Variants in WDR47 observed in about 807,000 individuals in gnomAD.
WDR47 encodes the protein WD repeat domain 47, also known as WD repeat-containing protein 47.
Under a neutral mutation model 97.2 loss-of-function variants are expected in WDR47, and 32 were observed. The observed-to-expected ratio is 0.33, with a 90% CI of 0.25 to 0.44. WDR47 has a LOEUF of 0.44. Among genes scored for constraint, WDR47 ranks in the 20% least tolerant of loss-of-function variants. The pLI is 1.00. For missense variants in WDR47, 782 were observed against 1,102.3 expected (o/e 0.71, Z 4.11); for synonymous variants, 375 against 373.5 (o/e 1.00, Z -0.05).
intron 1 of WDR47, among the ~76,000 whole-genome samples, chr1:109,025,676 G>A (rs1334790304): frequency 4.6e-5 from 7 of 152,132 alleles, no homozygotes; most frequent in African/African-American, 1.2e-4. Flanking sequence ...GGAGGTTGCA[G>A]TGAGCCAAGA....
intron 11 of WDR47, 27 bp from the exon 12 acceptor site, chr1:108,982,806 A>G: frequency 6.3e-7 from 1 of 1,582,652 alleles, no homozygotes; most frequent in Non-Finnish European, 8.5e-7. Context: ...AATTAAAAAA[A>G]AAAAATGCTG....
At chr1:109,035,446 A>G (rs1476044099) in intron 1 of WDR47, among the ~76,000 whole-genome samples, 2 of 151,860 alleles carry the variant, frequency 1.3e-5, no homozygotes, top group Non-Finnish European at 2.9e-5. Context: ...ATATATATTC[A>G]TGCATTACTT....
intron 1 of WDR47, among the ~76,000 whole-genome samples, chr1:109,037,944 C>T (rs1663079526): frequency 6.6e-6 from 1 of 152,024 alleles, no homozygotes; most frequent in South Asian, 2.1e-4. Flanking sequence ...GTGATTCTCT[C>T]ACCTCAGCCT....
At chr1:108,974,404 C>G (rs1264051801) in intron 14 of WDR47, 132 bp downstream of exon 14, 19 of 686,022 alleles carry the variant, frequency 2.8e-5, no homozygotes, top group Non-Finnish European at 4.1e-5. Flanking sequence ...TTAATATAGT[C>G]TCAGAATCTG....
At chr1:109,023,277 G>T in intron 2 of WDR47, 78 bp downstream of exon 2, 1 of 1,379,666 alleles carries the variant, frequency 7.2e-7, no homozygotes, top group Non-Finnish European at 9.9e-7. Flanking sequence ...AGTTCTATCT[G>T]TATTATATAT....
chr1:109,007,196 C>T (rs1660688486), intron 5 of WDR47, among the ~76,000 whole-genome samples: 1 of 145,742 alleles, frequency 6.9e-6, no homozygotes, highest in East Asian at 2.0e-4. Context: ...CATGCCCAGC[C>T]TGAAATACAT....
At chr1:109,028,955 C>T (rs1223020951) in intron 1 of WDR47, among the ~76,000 whole-genome samples, 1 of 151,992 alleles carries the variant, frequency 6.6e-6, no homozygotes, top group South Asian at 2.1e-4. Context: ...GTGAATTTTC[C>T]TTTAAAAAGT....
At position 109,011,102 on chromosome 1, in the gene WDR47, G is replaced by C; in HGVS notation, c.944C>G (p.Pro315Arg). The change falls in exon 5 of 15, where the codon CCT becomes CGT. Residue 315 changes from proline (P) to arginine (R), a missense_variant. By Grantham distance (103) the Pro-to-Arg change is moderately radical. Coordinates refer to ENST00000369962, the MANE Select transcript of WDR47 (RefSeq NM_001142551.2). ...TCCACAGGTGAGGCCATCTAAAGCA[G>C]GATTCAGAGAGCGGGTCATATAGGC... is the stretch of plus-strand genomic sequence containing the variant. ...ADAYMTRSLN[P>R]ALDGLTCGLT... is the part of the protein sequence containing the mutation. The C allele has an allele frequency of 6.2e-7, 1 of 1,614,094 alleles. No individual in the cohort carries two copies. Among genetic ancestry groups the C allele is most frequent in the Non-Finnish European group, 8.5e-7 (1 of 1,180,020 alleles).
chr1:108,982,547 G>T, intron 12 of WDR47, 62 bp downstream of exon 12: 1 of 1,523,898 alleles, frequency 6.6e-7, no homozygotes, highest in African/African-American at 1.4e-5. Context: ...AAAATGCAGA[G>T]AGGAAAAAAA....
At position 108,983,336 on chromosome 1, in the gene WDR47, T is replaced by C; in HGVS notation, c.2041A>G (p.Asn681Asp). Residue 681 changes from asparagine (N) to aspartate (D), a missense_variant, in exon 11 of 15, where the codon AAT becomes GAT. Asn to Asp is a conservative substitution (Grantham distance 23, BLOSUM62 1). Around this residue, in one of 3 missense-constraint regions of WDR47, gnomAD observed 228 missense variants for 396.7 expected, o/e 0.57. Coordinates refer to ENST00000369962, the MANE Select transcript of WDR47 (RefSeq NM_001142551.2). ...GGCAGCACTTTGACGTATTTGTCAT[T>C]TGATCCTGTTGCTAATAACTGCCCA... ...PCGQLLATGS[N>D]DKYVKVLPFN... is the part of the protein sequence containing the mutation. 6.2e-7 allele frequency: 1 copy of C among 1,612,860 alleles called. No homozygotes were observed. The highest frequency in any genetic ancestry group is 8.5e-7 in the Non-Finnish European group (1 of 1,179,394).
intron 10 of WDR47, among the ~76,000 whole-genome samples, chr1:108,985,726 G>A (rs1658738065): frequency 6.6e-6 from 1 of 152,188 alleles, no homozygotes; most frequent in Admixed American, 6.5e-5. Context: ...ATGAGAAACA[G>A]TTACCTTAAG....
intron 5 of WDR47, among the ~76,000 whole-genome samples, chr1:109,006,198 G>A (rs948895598): frequency 5.3e-5 from 8 of 151,892 alleles, no homozygotes; most frequent in South Asian, 2.1e-4. Context: ...AGTATGAGAC[G>A]AACCTGACCA....
In WDR47 at chr1:108,991,377, G is replaced by T. The variant is rs146364571; in HGVS notation, c.1692-48C>A. Reference sequence around the variant, plus strand: ...AAAGTTTACTCCATGTATCAAAATAGAAACTAAATTAATTTACCCTTTCAA... The same window carrying T: ...AAAGTTTACTCCATGTATCAAAATATAAACTAAATTAATTTACCCTTTCAA... On this transcript the variant is annotated intron_variant, in intron 8 of 14. Coordinates refer to ENST00000369962, the MANE Select transcript of WDR47 (RefSeq NM_001142551.2). 29 of 1,525,738 alleles carry T rather than the reference G, an allele frequency of 1.9e-5. No individual in the cohort carries two copies. The African/African-American group carries it at 2.5e-4, about 13-fold the overall frequency. The allele number at this position is 1,525,738 out of a possible 1,614,324, so 94.5% of individuals were successfully genotyped here. A position where few individuals can be genotyped will look rare whatever the true frequency, so the allele number is the denominator to read the frequency against.
intron 10 of WDR47, among the ~76,000 whole-genome samples, chr1:108,984,907 G>T (rs1463822771): frequency 6.6e-6 from 1 of 151,962 alleles, no homozygotes; most frequent in East Asian, 1.9e-4. Context: ...CCAAAAAACT[G>T]ATCTAGAGAA....
At chr1:108,980,020 T>C (rs1005163062) in intron 13 of WDR47, among the ~76,000 whole-genome samples, 1 of 152,208 alleles carries the variant, frequency 6.6e-6, no homozygotes, top group Non-Finnish European at 1.5e-5. Context: ...GGAACCCTAC[T>C]GTGAACTGCA....
At chr1:108,999,222 T>C (rs1269871899) in intron 7 of WDR47, among the ~76,000 whole-genome samples, 1 of 146,552 alleles carries the variant, frequency 6.8e-6, no homozygotes, top group Non-Finnish European at 1.5e-5. Context: ...AGCAAGACTC[T>C]GTCCCCAAAA....
At chr1:109,030,645 A>G in intron 1 of WDR47, among the ~76,000 whole-genome samples, 1 of 90,482 alleles carries the variant, frequency 1.1e-5, no homozygotes, top group East Asian at 3.3e-4. Context: ...ATGGAACAAT[A>G]GTGCTTTACA....
chr1:108,974,479 A>C (rs957615429), intron 14 of WDR47, 57 bp downstream of exon 14: 61 of 1,446,096 alleles, frequency 4.2e-5, no homozygotes, highest in Non-Finnish European at 5.6e-5. Context: ...TAACAAAAAA[A>C]TAAAGGTCCC....
intron 9 of WDR47, 113 bp from the exon 10 acceptor site, chr1:108,986,793 G>T: frequency 1.1e-6 from 1 of 876,814 alleles, no homozygotes; most frequent in Non-Finnish European, 1.7e-6. Context: ...GATCATGTTA[G>T]GTTTACTGCC....
Sources: allele counts gnomAD v4.1 joint callset (sites outside exome capture counted in the v4.1 genomes callset), GRCh38; gene constraint gnomAD v4.1.1; regional missense constraint gnomAD v4.1.1; transcripts MANE v1.5; gene names NCBI Gene and HGNC (gene_info 2026-07-23, HGNC 2026-07-21).